The following TACC2 variants were observed in gnomAD, a reference collection of about 807,000 sequenced individuals.
TACC2 encodes the protein transforming acidic coiled-coil-containing protein 2.
A neutral mutation model predicts 227.3 loss-of-function variants in TACC2; 137 were observed. That is an observed-to-expected ratio of 0.60 (90% CI 0.52 to 0.69). TACC2 has a LOEUF of 0.69. Among genes scored for constraint, TACC2 ranks in the 30% least tolerant of loss-of-function variants. The probability of loss-of-function intolerance (pLI) is 0.00; values close to 1 mark genes in which losing one functional copy is unlikely to be tolerated. For synonymous variants in TACC2, 1,523 were observed against 1,487.5 expected, an observed-to-expected ratio of 1.02 and a Z score of -0.55; for missense variants, 3,470 against 3,694.4, an observed-to-expected ratio of 0.94 and a Z score of 1.57.
intron 3 of TACC2, among the ~76,000 whole-genome samples, chr10:122,072,190 T>G (rs1419622851): frequency 6.6e-6 from 1 of 151,950 alleles, no homozygotes; most frequent in Admixed American, 6.5e-5. Flanking sequence ...CTCCTGACCT[T>G]GTGATCCGCT....
In TACC2 at chr10:122,219,363, G is replaced by A. The variant is rs115726026; in HGVS notation, c.7546+2535G>A. On this transcript the variant is annotated intron_variant, in intron 11 of 22. Transcript: ENST00000369005. Reference sequence around the variant, plus strand: ...GGCTGAGCTGGGGATATGAAACACCGTAATAATGATGTGTGTGCATTTCTT... The same window carrying A: ...GGCTGAGCTGGGGATATGAAACACCATAATAATGATGTGTGTGCATTTCTT... 3.8e-3 allele frequency among the ~76,000 whole-genome samples: 578 copies of A among 152,268 alleles called. 5 individuals carry two copies. Among genetic ancestry groups the A allele is most frequent in the African/African-American group, 0.012 (507 of 41,538 alleles).
chr10:122,087,418 G>A lies in TACC2; in HGVS notation c.4918G>A (p.Val1640Ile). The change falls in exon 4 of 23, where the codon GTT becomes ATT. Residue 1640 changes from valine to isoleucine, a missense_variant. Physicochemically the swap from Val to Ile is conservative, Grantham distance 29. This residue lies in a region of TACC2 where 1,924 missense variants were observed against 1,978.3 expected (regional missense o/e 0.97). Coordinates refer to ENST00000369005, the MANE Select transcript of TACC2 (RefSeq NM_206862.4). ...GTGTGCCCCTTCTCCTCAGAGGGAG[G>A]TTTTGACTGTGCCTGAGGCCAACAG... Reference protein sequence around the residue: ...STCAPSPQREVLTVPEANSEP... With the variant: ...STCAPSPQREILTVPEANSEP... 1 of 1,614,062 alleles carries A rather than the reference G, an allele frequency of 6.2e-7. No individual in the cohort carries two copies. The highest frequency in any genetic ancestry group is 1.7e-5 in the Admixed American group (1 of 60,032).
At position 122,216,817 on chromosome 10, in the gene TACC2, C is replaced by T. The variant is rs760995785; in HGVS notation, c.7535C>T (p.Ser2512Leu). ...TTTGTAAACGAGACCAAATTCAGTT[C>T]ACCCACTGAGGGTAAGCAACTCTGT... ...STFVNETKFS[S>L]PTEELDYRNS... Residue 2512 changes from serine (S) to leucine (L), a missense_variant, in exon 11 of 23, where the codon TCA becomes TTA. By Grantham distance (145) the Ser-to-Leu change is moderately radical. This residue lies in a region of TACC2 where 345 missense variants were observed against 354.4 expected (regional missense o/e 0.97). Transcript: ENST00000369005. 1.2e-6 allele frequency: 2 copies of T among 1,614,070 alleles called. No individual in the cohort carries two copies. The highest frequency in any genetic ancestry group is 1.3e-5 in the African/African-American group (1 of 74,928).
At chr10:122,199,434 A>C (rs1035352086) in intron 8 of TACC2, among the ~76,000 whole-genome samples, 1 of 152,134 alleles carries the variant, frequency 6.6e-6, no homozygotes, top group Non-Finnish European at 1.5e-5. Context: ...TTTTGTCTCC[A>C]AAGAGGCCAT....
intron 4 of TACC2, 137 bp from the exon 5 acceptor site, chr10:122,088,341 C>T: frequency 1.3e-6 from 1 of 768,726 alleles, no homozygotes; most frequent in South Asian, 2.0e-5. Context: ...GTCAGGGGGC[C>T]CTTTTTCCTA....
At position 122,086,035 on chromosome 10, in the gene TACC2, G is replaced by GGCTGGCC; in HGVS notation, c.3535_3536insGCTGGCC (p.Glu1179GlyfsTer8). On this transcript the variant is annotated frameshift_variant, in exon 4 of 23. Transcript: ENST00000369005. LOFTEE classifies it high-confidence loss of function. Reference sequence around the variant, plus strand: ...GGAAGCTTCTACCTCTGCCCTACGTGAGTCCTGCCAAGCTGAGCACCCCAT... The same window carrying GGCTGGCC: ...GGAAGCTTCTACCTCTGCCCTACGTGGCTGGCCAGTCCTGCCAAGCTGAGCACCCCAT... The GGCTGGCC allele has an allele frequency of 6.2e-7, 1 of 1,613,898 alleles. No individual in the cohort carries two copies. Among genetic ancestry groups the GGCTGGCC allele is most frequent in the Non-Finnish European group, 8.5e-7 (1 of 1,180,024 alleles).
At chr10:122,203,091 C>T (rs1372630691) in intron 8 of TACC2, among the ~76,000 whole-genome samples, 2 of 152,242 alleles carry the variant, frequency 1.3e-5, no homozygotes, top group African/African-American at 4.8e-5. Flanking sequence ...CATCCGATTT[C>T]TCAATCTTTT....
chr10:122,232,014 A>G (rs1298540843), intron 16 of TACC2, among the ~76,000 whole-genome samples: 2 of 152,206 alleles, frequency 1.3e-5, no homozygotes, highest in Non-Finnish European at 2.9e-5. Context: ...TACCCAAAAG[A>G]GAGACCCCTC....
At chr10:122,219,500 T>C (rs1480378730) in intron 11 of TACC2, among the ~76,000 whole-genome samples, 2 of 152,182 alleles carry the variant, frequency 1.3e-5, no homozygotes, top group Non-Finnish European at 2.9e-5. Context: ...TGTGAAATAA[T>C]GGTAACACAA....
intron 12 of TACC2, 82 bp from the exon 13 acceptor site, chr10:122,226,284 T>C: frequency 1.1e-6 from 1 of 905,396 alleles, no homozygotes; most frequent in Non-Finnish European, 1.8e-6. Flanking sequence ...TTGTTCTCTG[T>C]TGAAGAGTGC....
At chr10:122,244,499 T>C (rs1281930273) in intron 19 of TACC2, among the ~76,000 whole-genome samples, 1 of 152,142 alleles carries the variant, frequency 6.6e-6, no homozygotes, top group Admixed American at 6.5e-5. Flanking sequence ...TCAAGGTCCT[T>C]GTGTCCTTGT....
In TACC2 at chr10:122,132,667, A is replaced by G. The variant is rs776535002; in HGVS notation, c.5632A>G (p.Thr1878Ala). The change falls in exon 6 of 23, where the codon ACC becomes GCC. Residue 1878 changes from threonine (T) to alanine (A), a missense_variant. Around this residue, in one of 10 missense-constraint regions of TACC2, gnomAD observed 1,924 missense variants for 1,978.3 expected, o/e 0.97. Coordinates refer to ENST00000369005, the MANE Select transcript of TACC2 (RefSeq NM_206862.4). Reference sequence around the variant, plus strand: ...TGCCCCCGCAGACCTGGAAAGCCCAACCTTAGCTGCCTCTTCCTACCACGG... The same window carrying G: ...TGCCCCCGCAGACCTGGAAAGCCCAGCCTTAGCTGCCTCTTCCTACCACGG... Reference protein sequence around the residue: ...PAAPADLESPTLAASSYHGDV... With the variant: ...PAAPADLESPALAASSYHGDV... The G allele has an allele frequency of 2.4e-5, 38 of 1,613,990 alleles. No homozygotes were observed. Among genetic ancestry groups the G allele is most frequent in the South Asian group, 3.3e-5 (3 of 91,082 alleles).
intron 2 of TACC2, among the ~76,000 whole-genome samples, chr10:122,026,160 TCCAA>T (rs1258683801): frequency 0.035 from 3,417 of 97,750 alleles, 119 homozygotes; most frequent in African/African-American, 0.097. Context: ...CTACTAAAAA[TCCAA>T]AAAAAAAAAA....
chr10:122,204,759 A>G (rs1202716386), intron 8 of TACC2, among the ~76,000 whole-genome samples: 5 of 151,976 alleles, frequency 3.3e-5, no homozygotes, highest in Admixed American at 2.0e-4. Context: ...TTGGAGTTCA[A>G]GGTTGCAATG....
At chr10:122,169,822 C>T (rs2093378318) in intron 7 of TACC2, among the ~76,000 whole-genome samples, 1 of 152,200 alleles carries the variant, frequency 6.6e-6, no homozygotes, top group Non-Finnish European at 1.5e-5. Flanking sequence ...ACAATCATGG[C>T]TCACTGCAGC....
intron 7 of TACC2, among the ~76,000 whole-genome samples, chr10:122,173,890 T>A (rs10788256): frequency 0.28 from 42,219 of 152,092 alleles, 6,285 homozygotes; most frequent in African/African-American, 0.38. Flanking sequence ...TCCAGCCCCA[T>A]GCACGTTCCA....
intron 2 of TACC2, among the ~76,000 whole-genome samples, chr10:122,047,465 G>A (rs2075153790): frequency 1.3e-5 from 2 of 152,110 alleles, no homozygotes; most frequent in African/African-American, 4.8e-5. Context: ...AGGGGCACTC[G>A]TTAAGGGAAT....
intron 8 of TACC2, among the ~76,000 whole-genome samples, chr10:122,208,781 G>A (rs1434260135): frequency 1.3e-5 from 2 of 152,212 alleles, no homozygotes; most frequent in African/African-American, 2.4e-5. Context: ...CATTGGAAAC[G>A]CTGTCCCAGG....
chr10:122,117,542 G>A (rs1169233481), intron 5 of TACC2, among the ~76,000 whole-genome samples: 2 of 152,134 alleles, frequency 1.3e-5, no homozygotes, highest in African/African-American at 4.8e-5. Context: ...TAGAAAATAA[G>A]TACAAACACA....
Sources: gnomAD v4.1 joint callset for allele counts (sites outside exome capture counted in the v4.1 genomes callset) on GRCh38, gnomAD v4.1.1 for gene constraint, gnomAD v4.1.1 regional missense constraint, MANE v1.5 for transcripts, NCBI Gene and HGNC (gene_info 2026-07-23, HGNC 2026-07-21) for gene names.